The following CHD6 variants were observed in gnomAD, a reference collection of about 807,000 sequenced individuals.
CHD6 encodes the protein ATP-dependent chromatin remodeler CHD6.
In CHD6, 50 loss-of-function variants were observed where a neutral mutation model predicts 276.9. The ratio of observed to expected loss-of-function variants is 0.18; its 90% confidence interval spans 0.14 to 0.23. The LOEUF (loss-of-function observed/expected upper bound fraction) is 0.23. CHD6 is among the 10% of genes least tolerant of loss of function. CHD6 has a pLI of 1.00. For synonymous variants in CHD6, 1,173 were observed against 1,229.3 expected, an observed-to-expected ratio of 0.95 and a Z score of 0.96; for missense variants, 2,564 against 3,365.8, an observed-to-expected ratio of 0.76 and a Z score of 5.89.
intron 3 of CHD6, among the ~76,000 whole-genome samples, chr20:41,521,835 A>G (rs2044405860): frequency 6.6e-6 from 1 of 152,232 alleles, no homozygotes; most frequent in Non-Finnish European, 1.5e-5. Flanking sequence ...GCATGTCAAA[A>G]TGACAAATAA....
intron 27 of CHD6, among the ~76,000 whole-genome samples, chr20:41,435,798 A>G (rs2047689209): frequency 6.6e-6 from 1 of 152,182 alleles, no homozygotes; most frequent in Non-Finnish European, 1.5e-5. Context: ...CAAGAAAAGC[A>G]AAAACAATTT....
At position 41,471,268 on chromosome 20, in the gene CHD6, C is replaced by T. The variant is rs150956374; in HGVS notation, c.2664+2054G>A. 4.9e-3 allele frequency among the ~76,000 whole-genome samples: 745 copies of T among 152,314 alleles called. 4 individuals are homozygous for T. Among genetic ancestry groups the T allele is most frequent in the Middle Eastern group, 0.037 (11 of 294 alleles). ...CAGGCCAAAAGGCAATCATTTTCCA[C>T]CCCTTAATCTGTATAATTGTCGTAA... On this transcript the variant is annotated intron_variant, in intron 17 of 36. Coordinates refer to ENST00000373233, the MANE Select transcript of CHD6 (RefSeq NM_032221.5).
In CHD6 at chr20:41,551,371, T is replaced by C; in HGVS notation, c.-23-11A>G. 1 of 1,266,592 alleles carries C rather than the reference T, an allele frequency of 7.9e-7. No individual in the cohort carries two copies. The highest frequency in any genetic ancestry group is 1.1e-6 in the Non-Finnish European group (1 of 879,836). 78.5% of individuals were successfully genotyped at this position (1,266,592 alleles called of 1,614,324 possible). On this transcript the variant is annotated splice_polypyrimidine_tract_variant and intron_variant, in intron 1 of 36. Coordinates refer to ENST00000373233, the MANE Select transcript of CHD6 (RefSeq NM_032221.5). ...GGAAGATATTTATTTCTGTAAAACA[T>C]TTTTAAAAAGGCAAAGATTATGACA...
chr20:41,519,798 G>A (rs1256056769), intron 3 of CHD6, among the ~76,000 whole-genome samples: 16 of 152,082 alleles, frequency 1.1e-4, no homozygotes, highest in Admixed American at 1.0e-3. Flanking sequence ...CAAAAGCAAT[G>A]GCAACAAAAG....
At chr20:41,405,534 C>T in intron 36 of CHD6, 45 bp from the exon 37 acceptor site, 1 of 1,464,560 alleles carries the variant, frequency 6.8e-7, no homozygotes, top group Non-Finnish European at 9.2e-7. Flanking sequence ...AACAGGATGG[C>T]AGGTGGTCAG....
chr20:41,467,701 C>G (rs1431082240), intron 17 of CHD6, among the ~76,000 whole-genome samples: 1 of 151,166 alleles, frequency 6.6e-6, no homozygotes, highest in Non-Finnish European at 1.5e-5. Flanking sequence ...AAGACCCTCT[C>G]TGGGGTTAAA....
At chr20:41,462,291 T>A (rs2042820333) in intron 17 of CHD6, among the ~76,000 whole-genome samples, 1 of 152,210 alleles carries the variant, frequency 6.6e-6, no homozygotes, top group Non-Finnish European at 1.5e-5. Context: ...CACATCAATA[T>A]CAGTACTCAT....
chr20:41,561,799 A>G (rs2045304301), intron 1 of CHD6, among the ~76,000 whole-genome samples: 1 of 152,140 alleles, frequency 6.6e-6, no homozygotes, highest in Non-Finnish European at 1.5e-5. Context: ...TCCTTCCACC[A>G]CTTATTTTGA....
rs1278752191 is a variant in CHD6 at position 41,499,211 on chromosome 20, T to C, written c.915+84A>G. 10 of 1,054,822 alleles carry C rather than the reference T, an allele frequency of 9.5e-6. No individual in the cohort carries two copies. The East Asian group carries it at 1.8e-4, about 19-fold the overall frequency. 65.3% of individuals were successfully genotyped at this position (1,054,822 alleles called of 1,614,324 possible). A position where few individuals can be genotyped will look rare whatever the true frequency, so the allele number is the denominator to read the frequency against. On this transcript the variant is annotated intron_variant, in intron 6 of 36. Transcript: ENST00000373233. The stretch of plus-strand genomic sequence containing the variant: ...CTCTCACTCCAGCCAATAATGGTCA[T>C]TCTAGGTTCTCTAGCCAAAAATCTC...
intron 27 of CHD6, among the ~76,000 whole-genome samples, chr20:41,429,977 G>C (rs1029996946): frequency 6.6e-6 from 1 of 152,178 alleles, no homozygotes; most frequent in Non-Finnish European, 1.5e-5. Flanking sequence ...TAATGAACAG[G>C]CTCTTTTTAT....
Position 41,416,637 on chromosome 20 carries a change from G to A in CHD6, c.6437C>T (p.Ala2146Val). 1 of 1,613,892 alleles carries A rather than the reference G, an allele frequency of 6.2e-7. No homozygotes were observed. The highest frequency in any genetic ancestry group is 8.5e-7 in the Non-Finnish European group (1 of 1,179,954). Residue 2146 changes from alanine (A) to valine (V), a missense_variant, in exon 33 of 37, where the codon GCA becomes GTA. By Grantham distance (64) the Ala-to-Val change is moderately conservative. Coordinates refer to ENST00000373233, the MANE Select transcript of CHD6 (RefSeq NM_032221.5). ...TGCGCCGTTGCTGAAGCTGTGTTCT[G>A]CTGCTTCCGGCTCTGAGAGGCTGGT... is the stretch of plus-strand genomic sequence containing the variant. ...SRTSLSEPEA[A>V]EHSFSNGAAL... is the part of the protein sequence containing the mutation.
chr20:41,421,641 A>C lies in CHD6; in HGVS notation c.4994T>G (p.Val1665Gly). 3.7e-6 allele frequency: 6 copies of C among 1,613,580 alleles called. No homozygotes were observed. The highest frequency in any genetic ancestry group is 5.1e-6 in the Non-Finnish European group (6 of 1,179,744). Residue 1665 changes from valine to glycine, a missense_variant, in exon 31 of 37, where the codon GTA becomes GGA. Val to Gly is a moderately radical substitution (Grantham distance 109, BLOSUM62 -3). This residue lies in a region of CHD6 where 1,024 missense variants were observed against 1,047.9 expected (regional missense o/e 0.98). Coordinates refer to ENST00000373233, the MANE Select transcript of CHD6 (RefSeq NM_032221.5). ...GCTGAGATGATCATCTCTGCTTTCT[A>C]CTCTCACTAGATTTTCAGGTTCATT... ...LENEPENLVR[V>G]ESRDDHLSLP... is the part of the protein sequence containing the mutation.
chr20:41,422,124 G>A (rs779229036), intron 30 of CHD6, 45 bp from the exon 31 acceptor site: 232 of 1,552,268 alleles, frequency 1.5e-4, no homozygotes, highest in Non-Finnish European at 2.0e-4. Context: ...GGTGACCTCA[G>A]ACACTCCCCG....
At chr20:41,532,577 G>T (rs1471082076) in intron 3 of CHD6, among the ~76,000 whole-genome samples, 2 of 152,176 alleles carry the variant, frequency 1.3e-5, no homozygotes, top group African/African-American at 4.8e-5. Context: ...AAAAGGAATG[G>T]CAAGAAACTG....
At chr20:41,607,604 T>C (rs956081558) in intron 1 of CHD6, among the ~76,000 whole-genome samples, 2 of 151,832 alleles carry the variant, frequency 1.3e-5, no homozygotes, top group East Asian at 3.9e-4. Flanking sequence ...AGAAGTGCTG[T>C]GGGGAGAGAG....
At chr20:41,592,681 T>C (rs552449048) in intron 1 of CHD6, among the ~76,000 whole-genome samples, 3 of 152,238 alleles carry the variant, frequency 2.0e-5, no homozygotes, top group Non-Finnish European at 4.4e-5. Flanking sequence ...AAAATCTAAT[T>C]AGTGGTCAAG....
At chr20:41,584,086 C>G (rs879887188) in intron 1 of CHD6, among the ~76,000 whole-genome samples, 1 of 151,704 alleles carries the variant, frequency 6.6e-6, no homozygotes, top group Non-Finnish European at 1.5e-5. Context: ...ATCACAATAC[C>G]CAGTTATATG....
chr20:41,505,239 G>C (rs757217279), intron 5 of CHD6, among the ~76,000 whole-genome samples: 1 of 152,142 alleles, frequency 6.6e-6, no homozygotes, highest in Non-Finnish European at 1.5e-5. Context: ...CATTCCTTTA[G>C]TGATTTTTTT....
At position 41,454,653 on chromosome 20, in the gene CHD6, TTC is replaced by T; in HGVS notation, c.3091_3092del (p.Glu1031ThrfsTer4). 6.2e-7 allele frequency: 1 copy of T among 1,613,704 alleles called. No homozygotes were observed. The highest frequency in any genetic ancestry group is 8.5e-7 in the Non-Finnish European group (1 of 1,179,730). On this transcript the variant is annotated frameshift_variant, in exon 20 of 37. Coordinates refer to ENST00000373233, the MANE Select transcript of CHD6 (RefSeq NM_032221.5). LOFTEE classifies it high-confidence loss of function. ...TTTCATTCTTTGCTTCAGTGTCTAGTTCAGCTATTTTAGCCCATTTCTGCCAA... is the reference window on the plus strand; with the variant it reads ...TTTCATTCTTTGCTTCAGTGTCTAGTAGCTATTTTAGCCCATTTCTGCCAA... ...NFWQKWAKIA[E>X]LDTEAKNEKE...
Sources: allele counts gnomAD v4.1 joint callset (sites outside exome capture counted in the v4.1 genomes callset), GRCh38; gene constraint gnomAD v4.1.1; regional missense constraint gnomAD v4.1.1; transcripts MANE v1.5; gene names NCBI Gene and HGNC (gene_info 2026-07-23, HGNC 2026-07-21).